AHNAK2: variants seen among roughly 807,000 people sequenced by gnomAD.
AHNAK2 encodes the protein protein AHNAK2.
A neutral mutation model predicts 30.7 loss-of-function variants in AHNAK2; 18 were observed. The ratio of observed to expected loss-of-function variants is 0.59; its 90% CI spans 0.41 to 0.87. The LOEUF (loss-of-function observed/expected upper bound fraction) is 0.87. Among genes scored for constraint, AHNAK2 ranks in the 40% least tolerant of loss-of-function variants. The probability of loss-of-function intolerance (pLI) is 0.00; values close to 1 mark genes in which losing one functional copy is unlikely to be tolerated. For missense variants in AHNAK2, 8,604 were observed against 7,373.0 expected, an observed-to-expected ratio of 1.17 and a Z score of -6.11; for synonymous variants, 3,590 against 3,073.8, an observed-to-expected ratio of 1.17 and a Z score of -5.56.
chr14:104,947,135 C>G lies in AHNAK2; in HGVS notation c.8316G>C (p.Val2772=). The G allele has an allele frequency of 1.2e-6, 2 of 1,612,000 alleles. No individual in the cohort carries two copies. The highest frequency in any genetic ancestry group is 2.2e-5 in the East Asian group (1 of 44,606). Residue 2772 remains valine, a synonymous_variant, in exon 7 of 7, where the codon GTG becomes GTC. Coordinates refer to ENST00000333244, the MANE Select transcript of AHNAK2 (RefSeq NM_138420.4). ...GPKAEVTAPD[V]KMSLSSMEVD... is the part of the protein sequence containing the mutation. ...CCTCCATGCTGGACAGAGACATCTT[C>G]ACATCGGGGGCTGTCACTTCCGCCT...
Position 104,944,374 on chromosome 14 carries a change from C to A in AHNAK2, c.11077G>T (p.Ala3693Ser). Residue 3693 changes from alanine to serine, a missense_variant, in exon 7 of 7, where the codon GCC becomes TCC. Coordinates refer to ENST00000333244, the MANE Select transcript of AHNAK2 (RefSeq NM_138420.4). ...TTDLSIQPPSADLKVQAGQMD... is the reference protein window; with the variant it reads ...TTDLSIQPPSSDLKVQAGQMD... ...TGGCCAGCCTGGACCTTCAGGTCGG[C>A]AGAAGGGGGCTGAATGCTGAGGTCA... 1 of 1,612,580 alleles carries A rather than the reference C, an allele frequency of 6.2e-7. No homozygotes were observed. The highest frequency in any genetic ancestry group is 8.5e-7 in the Non-Finnish European group (1 of 1,179,448).
rs140424316 is a variant in AHNAK2 at position 104,938,862 on chromosome 14, G to A, written c.16589C>T (p.Thr5530Met). The A allele has an allele frequency of 3.6e-4, 585 of 1,613,886 alleles. 2 individuals carry two copies. In the African/African-American group the frequency reaches 6.7e-3, roughly 19 times the overall value. Residue 5530 changes from threonine (T) to methionine (M), a missense_variant, in exon 7 of 7, where the codon ACG becomes ATG. By Grantham distance (81) the Thr-to-Met change is moderately conservative. Coordinates refer to ENST00000333244, the MANE Select transcript of AHNAK2 (RefSeq NM_138420.4). ...LLKVKIPEPH[T>M]QARVYTTMTQ... ...CATTGTTGTGTACACTCTAGCCTGCGTGTGGGGCTCTGGGATTTTCACTTT... is the reference window on the plus strand; with the variant it reads ...CATTGTTGTGTACACTCTAGCCTGCATGTGGGGCTCTGGGATTTTCACTTT...
In AHNAK2 at chr14:104,953,458, C is replaced by T. The variant is rs746400935; in HGVS notation, c.1993G>A (p.Glu665Lys). 6 of 1,614,030 alleles carry T rather than the reference C, an allele frequency of 3.7e-6. 1 individual carries two copies. In the South Asian group the frequency reaches 6.6e-5, roughly 18 times the overall value. ...CTGTCTTTGGTGGCCACTTCCTTTT[C>T]TGTCAGAATTTGTTCCTTTTTTAAG... Reference protein sequence around the residue: ...KRLKKEQILTEKEVATKDSKF... With the variant: ...KRLKKEQILTKKEVATKDSKF... The change falls in exon 7 of 7, where the codon GAA becomes AAA. Residue 665 changes from glutamate to lysine, a missense_variant. Physicochemically the swap from Glu to Lys is moderately conservative, Grantham distance 56 (BLOSUM62 1). Coordinates refer to ENST00000333244, the MANE Select transcript of AHNAK2 (RefSeq NM_138420.4).
intron 1 of AHNAK2, among the ~76,000 whole-genome samples, chr14:104,977,370 C>T (rs1350702305): frequency 6.6e-6 from 1 of 152,224 alleles, no homozygotes; most frequent in Admixed American, 6.5e-5. Flanking sequence ...GAACCAGGCC[C>T]AGTGCAGGGA....
rs1898822665 is a variant in AHNAK2, at chr14:104,952,906, C to G, written c.2545G>C (p.Gly849Arg). ...TCCACCGAGTCCTCCATGGACTTGCCTGGGGCCGACACCCCGAATGATGGC... is the reference window on the plus strand; with the variant it reads ...TCCACCGAGTCCTCCATGGACTTGCGTGGGGCCGACACCCCGAATGATGGC... ...KMPSFGVSAP[G>R]KSMEDSVDVS... is the part of the protein sequence containing the mutation. The change falls in exon 7 of 7, where the codon GGC becomes CGC. Residue 849 changes from glycine (G) to arginine (R), a missense_variant. Gly to Arg is a moderately radical substitution (Grantham distance 125). Coordinates refer to ENST00000333244, the MANE Select transcript of AHNAK2 (RefSeq NM_138420.4). The G allele has an allele frequency of 6.2e-7, 1 of 1,612,188 alleles. No individual in the cohort carries two copies.
rs1595386515 is a variant in AHNAK2 at position 104,938,040 on chromosome 14, CTT to C, written c.*21_*22del. The C allele has an allele frequency of 6.2e-7, 1 of 1,604,472 alleles. No individual in the cohort carries two copies. The highest frequency in any genetic ancestry group is 2.2e-5 in the East Asian group (1 of 44,758). ...TTCCAACTTAGTTTTTTGCATCTCT[CTT>C]GTACTGATGAGCCATACCTCTCAGC... On this transcript the variant is annotated 3_prime_UTR_variant, in exon 7 of 7. Transcript: ENST00000333244.
intron 4 of AHNAK2, 70 bp from the exon 5 acceptor site, chr14:104,955,703 C>T: frequency 6.4e-7 from 1 of 1,555,912 alleles, no homozygotes; most frequent in South Asian, 1.2e-5. Flanking sequence ...CTGCTGGGGC[C>T]TGTGTCTCCA....
chr14:104,951,960 T>C lies in AHNAK2; in HGVS notation c.3491A>G (p.Lys1164Arg). 2 of 1,611,648 alleles carry C rather than the reference T, an allele frequency of 1.2e-6. No individual in the cohort carries two copies. The highest frequency in any genetic ancestry group is 1.7e-6 in the Non-Finnish European group (2 of 1,179,146). Reference protein sequence around the residue: ...KDVTAKDSRFKMPKFKMPSFG... With the variant: ...KDVTAKDSRFRMPKFKMPSFG... ...CGATGGCATCTTGAACTTGGGCATT[T>C]TGAACCTGCTGTCTTTGGCAGTCAC... Residue 1164 changes from lysine to arginine, a missense_variant, in exon 7 of 7, where the codon AAA becomes AGA. Lys to Arg is a conservative substitution (Grantham distance 26). Transcript: ENST00000333244.
chr14:104,959,198 A>T (rs1275698106), intron 1 of AHNAK2, among the ~76,000 whole-genome samples: 3 of 152,118 alleles, frequency 2.0e-5, no homozygotes. Context: ...TTTGAGACGG[A>T]GTCTCACTCT....
In AHNAK2 at chr14:104,954,136, T is replaced by G. The variant is rs1488407816; in HGVS notation, c.1315A>C (p.Arg439=). ...CTCATTCCAGGAGTTGGCTGGGCCC[T>G]GGGCTTCCTCTGGGCCACTGCTGTC... ...QETAVAQRKP[R]AQPTPGMSRE... is the part of the protein sequence containing the mutation. Residue 439 remains arginine, a synonymous_variant, in exon 7 of 7, where the codon AGG becomes CGG. Coordinates refer to ENST00000333244, the MANE Select transcript of AHNAK2 (RefSeq NM_138420.4). This position sits in a 1 kb window ranked among gnomAD's most constrained non-coding sequence, Gnocchi z 4.3. 6.2e-7 allele frequency: 1 copy of G among 1,611,202 alleles called. No homozygotes were observed. The highest frequency in any genetic ancestry group is 1.3e-5 in the African/African-American group (1 of 74,922).
intron 1 of AHNAK2, among the ~76,000 whole-genome samples, chr14:104,976,633 G>A (rs1045042079): frequency 6.6e-6 from 1 of 152,188 alleles, no homozygotes; most frequent in Admixed American, 6.5e-5. Context: ...CCCTAAGAGC[G>A]GATGGTTCCG....
Position 104,939,312 on chromosome 14 carries a change from G to C in AHNAK2, c.16139C>G (p.Ser5380Cys). ...TTTGGGGAATTTGACAGTTAGGACA[G>C]AATCTTCCCACAGTTGATCCACATT... ...VVNVDQLWEDSVLTVKFPKLM... is the reference protein window; with the variant it reads ...VVNVDQLWEDCVLTVKFPKLM... Residue 5380 changes from serine (S) to cysteine (C), a missense_variant, in exon 7 of 7, where the codon TCT (serine) becomes TGT (cysteine). Transcript: ENST00000333244. 6.2e-7 allele frequency: 1 copy of C among 1,613,810 alleles called. No individual in the cohort carries two copies. The highest frequency in any genetic ancestry group is 8.5e-7 in the Non-Finnish European group (1 of 1,179,846).
In AHNAK2 at chr14:104,946,699, C is replaced by G; in HGVS notation, c.8752G>C (p.Val2918Leu). The G allele has an allele frequency of 2.5e-6, 4 of 1,610,230 alleles. No individual in the cohort carries two copies. The highest frequency in any genetic ancestry group is 3.4e-6 in the Non-Finnish European group (4 of 1,178,952). Residue 2918 changes from valine (V) to leucine (L), a missense_variant, in exon 7 of 7, where the codon GTC (valine) becomes CTC (leucine). Coordinates refer to ENST00000333244, the MANE Select transcript of AHNAK2 (RefSeq NM_138420.4). ...KVDLKGPQID[V>L]KGPKLDLKGP... ...TTCAGGTCCAGCTTGGGGCCCTTGA[C>G]GTCTATCTGGGGGCCCTTGAGATCC...
At position 104,943,426 on chromosome 14, in the gene AHNAK2, C is replaced by T; in HGVS notation, c.12025G>A (p.Gly4009Arg). ...CTGAGGTCAGTGGCCTTGAGGTCCC[C>T]CTGCATGGAAGGGAGGCTCACGTCG... ...EADVSLPSMQ[G>R]DLKATDLSVQ... The change falls in exon 7 of 7, where the codon GGG (glycine) becomes AGG (arginine). Residue 4009 changes from glycine to arginine, a missense_variant. Coordinates refer to ENST00000333244, the MANE Select transcript of AHNAK2 (RefSeq NM_138420.4). 1 of 1,613,270 alleles carries T rather than the reference C, an allele frequency of 6.2e-7. No homozygotes were observed. Among genetic ancestry groups the T allele is most frequent in the Non-Finnish European group, 8.5e-7 (1 of 1,179,656 alleles).
chr14:104,960,605 C>T (rs1253239349), intron 1 of AHNAK2, among the ~76,000 whole-genome samples: 4 of 152,106 alleles, frequency 2.6e-5, no homozygotes, highest in African/African-American at 7.2e-5. Context: ...CTATAATTTA[C>T]CAGAATTAAG....
At position 104,939,251 on chromosome 14, in the gene AHNAK2, G is replaced by C; in HGVS notation, c.16200C>G (p.Ser5400Arg). 2 of 1,613,912 alleles carry C rather than the reference G, an allele frequency of 1.2e-6. No homozygotes were observed. The highest frequency in any genetic ancestry group is 2.2e-5 in the South Asian group (2 of 91,082). ...TGGGGATGAACACATCATCCTCTGA[G>C]CTGGGGGCAGGGAAGGAGAACCTTG... ...MVPRFSFPAPSSEDDVFIPTV... is the reference protein window; with the variant it reads ...MVPRFSFPAPRSEDDVFIPTV... Residue 5400 changes from serine to arginine, a missense_variant, in exon 7 of 7, where the codon AGC (serine) becomes AGG (arginine). Physicochemically the swap from Ser to Arg is moderately radical, Grantham distance 110. Transcript: ENST00000333244.
At position 104,949,451 on chromosome 14, in the gene AHNAK2, T is replaced by C. The variant is rs144105260; in HGVS notation, c.6000A>G (p.Val2000=). 1.2e-3 allele frequency: 1,839 copies of C among 1,581,880 alleles called. 141 individuals carry two copies. The highest frequency in any genetic ancestry group is 9.9e-3 in the African/African-American group (707 of 71,612). The stretch of plus-strand genomic sequence containing the variant: ...CCTCGATGGACCTCCCTGGGGCCGA[T>C]ACCCCGAACGACGGCATCTTGAATT... The part of the protein sequence containing the change: ...MPKFKMPSFG[V]SAPGRSIEAS... Residue 2000 remains valine (V), a synonymous_variant, in exon 7 of 7, where the codon GTA becomes GTG. Coordinates refer to ENST00000333244, the MANE Select transcript of AHNAK2 (RefSeq NM_138420.4).
rs1353417813 is a variant in AHNAK2, at chr14:104,978,193, G to A, written c.45C>T (p.Thr15=). The A allele has an allele frequency of 1.6e-6, 2 of 1,215,836 alleles. No individual in the cohort carries two copies. The highest frequency in any genetic ancestry group is 6.6e-5 in the East Asian group (2 of 30,140). 75.3% of individuals were successfully genotyped at this position (1,215,836 alleles called of 1,614,324 possible). The change falls in exon 1 of 7, where the codon ACC becomes ACT. Residue 15 remains threonine (T), a synonymous_variant. Coordinates refer to ENST00000333244, the MANE Select transcript of AHNAK2 (RefSeq NM_138420.4). ...CGGGGAGGGGCGCACCGCTGCCGGG[G>A]GTTCCGGGCCAGGTGGGCAGCACCA... ...FHMVLPTWPG[T]PGSVSGRQLQ...
rs747851154 is a variant in AHNAK2, at chr14:104,973,498, TGGTGG to T, written c.55+4680_55+4684del. Among the ~76,000 whole-genome samples the T allele has an allele frequency of 2.6e-5, 4 of 152,294 alleles. No homozygotes were observed. In the East Asian group the frequency reaches 5.8e-4, roughly 22 times the overall value. On this transcript the variant is annotated intron_variant, in intron 1 of 6. Transcript: ENST00000333244. Reference sequence around the variant, plus strand: ...TAAACAAAGGGGCCTTAATTCCACCTGGTGGGGGTGAGTCATGGGGCCTCCTGCCC... The same window carrying T: ...TAAACAAAGGGGCCTTAATTCCACCTGGGTGAGTCATGGGGCCTCCTGCCC...
Sources: gnomAD v4.1 joint callset for allele counts (sites outside exome capture counted in the v4.1 genomes callset) on GRCh38, gnomAD v4.1.1 for gene constraint, Gnocchi (gnomAD v3.1) non-coding constraint, MANE v1.5 for transcripts, NCBI Gene and HGNC (gene_info 2026-07-23, HGNC 2026-07-21) for gene names.